RAB3C: variants seen among roughly 807,000 people sequenced by gnomAD.
RAB3C encodes RAB3C, member RAS oncogene family, also known as ras-related protein Rab-3C.
In RAB3C, 17 loss-of-function variants were observed where a neutral mutation model predicts 26.4. The observed-to-expected ratio is 0.64, with a 90% CI of 0.44 to 0.97. The LOEUF (loss-of-function observed/expected upper bound fraction) is 0.97, where lower values mean the gene tolerates loss of function less well. Among genes scored for constraint, RAB3C ranks in the 50% least tolerant of loss-of-function variants. RAB3C has a pLI of 0.00. For missense variants in RAB3C, 242 were observed against 281.9 expected (o/e 0.86, Z 1.01); for synonymous variants, 91 against 95.9 (o/e 0.95, Z 0.30).
chr5:58,743,349 C>T (rs890930053), intron 3 of RAB3C, among the ~76,000 whole-genome samples: 1 of 151,992 alleles, frequency 6.6e-6, no homozygotes. Flanking sequence ...ATCTTCTATG[C>T]CAATTCAGTC....
At chr5:58,807,825 TA>T (rs34591695) in intron 3 of RAB3C, among the ~76,000 whole-genome samples, 23,815 of 147,222 alleles carry the variant, frequency 0.16, 3,286 homozygotes, top group African/African-American at 0.38. Flanking sequence ...TCCAGTAGAA[TA>T]AAAAAAAAAA....
At chr5:58,603,347 T>A (rs1746496768) in intron 1 of RAB3C, among the ~76,000 whole-genome samples, 1 of 152,198 alleles carries the variant, frequency 6.6e-6, no homozygotes, top group African/African-American at 2.4e-5. Flanking sequence ...TTCTTGTATT[T>A]GAATGTCTAG....
chr5:58,853,324 T>C lies in RAB3C; in HGVS notation c.*1973T>C, dbSNP rs1161211626. The C allele has an allele frequency of 6.6e-6, 1 of 152,222 alleles. No homozygotes were observed. The highest frequency in any genetic ancestry group is 6.5e-5 in the Admixed American group (1 of 15,284). The allele number at this position is 152,222 out of a possible 1,614,324, so 9.4% of individuals were successfully genotyped here. ...CAGAATGTGGCCATGTTAAATGATA[T>C]AGCTATTAAGCTCACTTTTACAATC... On this transcript the variant is annotated 3_prime_UTR_variant, in exon 5 of 5. Transcript: ENST00000282878.
At chr5:58,618,490 G>A (rs1169403539) in intron 2 of RAB3C, among the ~76,000 whole-genome samples, 1 of 152,008 alleles carries the variant, frequency 6.6e-6, no homozygotes, top group Non-Finnish European at 1.5e-5. Context: ...AAAGTAGAAG[G>A]TTCTCCCAAA....
chr5:58,636,364 A>T (rs1365145886), intron 2 of RAB3C, among the ~76,000 whole-genome samples: 1 of 152,166 alleles, frequency 6.6e-6, no homozygotes, highest in African/African-American at 2.4e-5. Flanking sequence ...TAATCTCTGT[A>T]TTCAGTTTGG....
chr5:58,847,196 T>C (rs1744023975), intron 4 of RAB3C: 1 of 152,168 alleles, frequency 6.6e-6, no homozygotes, highest in South Asian at 2.1e-4. Context: ...GAGCTGAAAA[T>C]ACTAATTCTG....
At chr5:58,692,585 T>A (rs1047569155) in intron 2 of RAB3C, among the ~76,000 whole-genome samples, 3 of 152,142 alleles carry the variant, frequency 2.0e-5, no homozygotes, top group East Asian at 3.9e-4. Context: ...AACATTGAGG[T>A]GATAATAGCA....
intron 4 of RAB3C, among the ~76,000 whole-genome samples, chr5:58,836,742 C>A (rs1348380576): frequency 2.0e-5 from 3 of 152,152 alleles, no homozygotes; most frequent in Non-Finnish European, 2.9e-5. Context: ...GGGCATATTT[C>A]ATTGTGTATA....
intron 4 of RAB3C, among the ~76,000 whole-genome samples, chr5:58,842,135 C>T (rs956274370): frequency 6.6e-6 from 1 of 152,134 alleles, no homozygotes; most frequent in Non-Finnish European, 1.5e-5. Context: ...TGACTTCACA[C>T]AAATCAACTC....
chr5:58,649,678 A>G (rs1428117080), intron 2 of RAB3C, among the ~76,000 whole-genome samples: 2 of 152,080 alleles, frequency 1.3e-5, no homozygotes, highest in Non-Finnish European at 2.9e-5. Flanking sequence ...ACCAAGCCCG[A>G]CAAGCTCTTG....
intron 3 of RAB3C, among the ~76,000 whole-genome samples, chr5:58,786,532 G>T (rs1462046196): frequency 6.6e-6 from 1 of 152,136 alleles, no homozygotes; most frequent in East Asian, 1.9e-4. Flanking sequence ...AATGTGGCTT[G>T]TCTCAGCTCT....
chr5:58,686,231 A>G (rs988128796), intron 2 of RAB3C, among the ~76,000 whole-genome samples: 15 of 152,178 alleles, frequency 9.9e-5, no homozygotes, highest in African/African-American at 1.4e-4. Flanking sequence ...AGAGTGACCT[A>G]TGGAGACAAA....
intron 2 of RAB3C, among the ~76,000 whole-genome samples, chr5:58,656,081 G>T (rs1312966987): frequency 6.6e-6 from 1 of 151,946 alleles, no homozygotes; most frequent in Non-Finnish European, 1.5e-5. Context: ...CACCGCGCCC[G>T]GCCCTAAACC....
In RAB3C at chr5:58,630,509, C is replaced by T. The variant is rs966673854; in HGVS notation, c.252+12639C>T. Among the ~76,000 whole-genome samples, 9 of 152,258 alleles carry T rather than the reference C, an allele frequency of 5.9e-5. No individual in the cohort carries two copies. In the South Asian group the frequency reaches 1.5e-3, roughly 25 times the overall value. On this transcript the variant is annotated intron_variant, in intron 2 of 4. Coordinates refer to ENST00000282878, the MANE Select transcript of RAB3C (RefSeq NM_138453.4). The stretch of plus-strand genomic sequence containing the variant: ...TGAAAAATAACTGCATTTTGAAAGA[C>T]AGTACAATTAGTGAGAAAAGTGGCA...
chr5:58,673,534 G>C (rs1212798588), intron 2 of RAB3C, among the ~76,000 whole-genome samples: 1 of 151,512 alleles, frequency 6.6e-6, no homozygotes, highest in East Asian at 1.9e-4. Context: ...AAGTAGGCTT[G>C]ACTGTTCCCA....
chr5:58,596,107 C>G (rs868125067), intron 1 of RAB3C, among the ~76,000 whole-genome samples: 35 of 152,132 alleles, frequency 2.3e-4, no homozygotes, highest in Middle Eastern at 3.4e-3. Context: ...GGTGACCCAC[C>G]ACCTAGCTGG....
chr5:58,608,438 T>A (rs924953172), intron 1 of RAB3C, among the ~76,000 whole-genome samples: 2 of 152,074 alleles, frequency 1.3e-5, no homozygotes, highest in Non-Finnish European at 2.9e-5. Flanking sequence ...CATGAAAAAA[T>A]GCTCATCATC....
At chr5:58,755,890 C>T (rs115473056) in intron 3 of RAB3C, among the ~76,000 whole-genome samples, 199 of 152,222 alleles carry the variant, frequency 1.3e-3, no homozygotes, top group African/African-American at 4.7e-3. Context: ...AATTTCCATG[C>T]AAATTAACAT....
At chr5:58,692,651 C>G (rs1007146381) in intron 2 of RAB3C, among the ~76,000 whole-genome samples, 1 of 151,876 alleles carries the variant, frequency 6.6e-6, no homozygotes, top group African/African-American at 2.4e-5. Flanking sequence ...CCAGATAGTT[C>G]CCTATCCATG....
Sources: allele counts gnomAD v4.1 joint callset (sites outside exome capture counted in the v4.1 genomes callset), GRCh38; gene constraint gnomAD v4.1.1; transcripts MANE v1.5; gene names NCBI Gene and HGNC (gene_info 2026-07-23, HGNC 2026-07-21).